Variants in ABCC1 observed in about 807,000 individuals in gnomAD.
ABCC1 encodes ATP binding cassette subfamily C member 1 (ABCC1 blood group), also known as multidrug resistance-associated protein 1.
ABCC1 carries 83 observed loss-of-function variants against 172.9 expected under a neutral mutation model. The ratio of observed to expected loss-of-function variants is 0.48; its 90% CI spans 0.40 to 0.58. ABCC1 has a LOEUF of 0.58. Ranked by LOEUF, ABCC1 falls within the 20% of genes least tolerant of loss-of-function variation. The pLI is 0.00. For missense variants in ABCC1, 1,817 were observed against 2,002.7 expected (o/e 0.91, Z 1.77); for synonymous variants, 937 against 825.2 (o/e 1.14, Z -2.32).
chr16:15,955,162 TC>T (rs2045962845), intron 1 of ABCC1, among the ~76,000 whole-genome samples: 3 of 152,102 alleles, frequency 2.0e-5, no homozygotes, highest in Admixed American at 6.6e-5. Context: ...TTGAGACCAG[TC>T]TGGGCAGAAT....
intron 1 of ABCC1, among the ~76,000 whole-genome samples, chr16:15,975,660 G>C (rs1714884806): frequency 6.6e-6 from 1 of 151,666 alleles, no homozygotes; most frequent in African/African-American, 2.4e-5. Flanking sequence ...GGGTTCAAAC[G>C]ATTCTCCTTC....
chr16:15,994,523 A>G (rs1353488808), intron 1 of ABCC1, among the ~76,000 whole-genome samples: 7 of 152,176 alleles, frequency 4.6e-5, no homozygotes, highest in Admixed American at 3.9e-4. Flanking sequence ...TTGGCACCCA[A>G]TAAATACATG....
intron 17 of ABCC1, among the ~76,000 whole-genome samples, chr16:16,085,731 G>T (rs1437496697): frequency 6.6e-6 from 1 of 152,224 alleles, no homozygotes; most frequent in Admixed American, 6.5e-5. Flanking sequence ...AGTGAGCTGA[G>T]ATTGTGCCAC....
Position 16,049,493 on chromosome 16 carries a change from A to G in ABCC1, c.1380+1190A>G, listed in dbSNP as rs192173851. Among the ~76,000 whole-genome samples, 9 of 152,186 alleles carry G rather than the reference A, an allele frequency of 5.9e-5. No individual in the cohort carries two copies. The East Asian group carries it at 1.7e-3, about 29-fold the overall frequency. Reference sequence around the variant, plus strand: ...ATGCCTTGTGCTTTGCTACCTCTGGATCTTTGCCACGTACCTTTCCTTCCT... The same window carrying G: ...ATGCCTTGTGCTTTGCTACCTCTGGGTCTTTGCCACGTACCTTTCCTTCCT... On this transcript the variant is annotated intron_variant, in intron 10 of 30. Transcript: ENST00000399410.
At chr16:15,953,024 C>T (rs575037197) in intron 1 of ABCC1, among the ~76,000 whole-genome samples, 2 of 150,280 alleles carry the variant, frequency 1.3e-5, no homozygotes, top group East Asian at 2.0e-4. Context: ...GTCTGGGCCA[C>T]AGACTGAGAC....
intron 11 of ABCC1, among the ~76,000 whole-genome samples, chr16:16,054,716 A>AT (rs1458691415): frequency 1.8e-4 from 28 of 152,290 alleles, no homozygotes; most frequent in African/African-American, 6.0e-4. Flanking sequence ...CCTCCAGATC[A>AT]TGTAGCTTAT....
At chr16:16,041,692 G>T (rs2048984031) in intron 7 of ABCC1, among the ~76,000 whole-genome samples, 2 of 152,162 alleles carry the variant, frequency 1.3e-5, no homozygotes, top group Admixed American at 1.3e-4. Context: ...GCTCTGGGCT[G>T]CTGGGTATCC....
intron 1 of ABCC1, among the ~76,000 whole-genome samples, chr16:15,999,066 TCTCGG>T (rs2047154871): frequency 6.6e-6 from 1 of 152,168 alleles, no homozygotes; most frequent in South Asian, 2.1e-4. Context: ...AGTGCTGCGA[TCTCGG>T]CTCACTGCAA....
intron 7 of ABCC1, among the ~76,000 whole-genome samples, chr16:16,039,263 T>G (rs866796575): frequency 8.8e-6 from 1 of 113,140 alleles, no homozygotes. Context: ...GTGTGTGTGT[T>G]TTCTTTTTTT....
intron 26 of ABCC1, among the ~76,000 whole-genome samples, chr16:16,128,040 C>T (rs1226348169): frequency 6.7e-6 from 1 of 150,272 alleles, no homozygotes; most frequent in Non-Finnish European, 1.5e-5. Flanking sequence ...CCTGCCTCAG[C>T]CTCCCAATTA....
At chr16:15,989,839 G>C (rs181189003) in intron 1 of ABCC1, among the ~76,000 whole-genome samples, 1 of 152,200 alleles carries the variant, frequency 6.6e-6, no homozygotes, top group Non-Finnish European at 1.5e-5. Flanking sequence ...CGCAGTGCCT[G>C]GTATGCAGTC....
At position 16,138,359 on chromosome 16, in the gene ABCC1, T is replaced by C; in HGVS notation, c.4293-5T>C. 1 of 1,574,668 alleles carries C rather than the reference T, an allele frequency of 6.4e-7. No individual in the cohort carries two copies. Among genetic ancestry groups the C allele is most frequent in the Middle Eastern group, 1.7e-4 (1 of 5,918 alleles). On this transcript the variant is annotated splice_polypyrimidine_tract_variant and splice_region_variant and intron_variant, in intron 29 of 30. Coordinates refer to ENST00000399410, the MANE Select transcript of ABCC1 (RefSeq NM_004996.4). ...CTATCTCCTGGTTTTTTTCTTCCGGTCAAGTGTCGGGCAGCGCCAGCTTGT... is the reference window on the plus strand; with the variant it reads ...CTATCTCCTGGTTTTTTTCTTCCGGCCAAGTGTCGGGCAGCGCCAGCTTGT...
chr16:16,073,052 A>T (rs149789745), intron 14 of ABCC1, among the ~76,000 whole-genome samples: 5,567 of 137,504 alleles, frequency 0.04, 139 homozygotes, highest in Non-Finnish European at 0.054. Flanking sequence ...AAAAAAAAAA[A>T]AAAAATAATA....
intron 6 of ABCC1, among the ~76,000 whole-genome samples, chr16:16,035,383 C>A (rs1268876412): frequency 2.6e-5 from 4 of 152,060 alleles, no homozygotes; most frequent in Non-Finnish European, 5.9e-5. Flanking sequence ...GATGGAGTGA[C>A]ATAGAAAGAT....
At chr16:16,139,319 A>G (rs2046038734) in intron 30 of ABCC1, among the ~76,000 whole-genome samples, 1 of 152,030 alleles carries the variant, frequency 6.6e-6, no homozygotes, top group African/African-American at 2.4e-5. Flanking sequence ...TTTTTTAAAA[A>G]ATCAGAAGCA....
intron 5 of ABCC1, among the ~76,000 whole-genome samples, chr16:16,031,622 C>T (rs1410233587): frequency 2.6e-5 from 4 of 152,176 alleles, no homozygotes; most frequent in Admixed American, 2.6e-4. Context: ...ATGCTTTCTT[C>T]TACCACCGGG....
chr16:16,055,996 A>G lies in ABCC1; in HGVS notation c.1474-96A>G, dbSNP rs149578689. 340 of 1,070,202 alleles carry G rather than the reference A, an allele frequency of 3.2e-4. No individual in the cohort carries two copies. In the African/African-American group the frequency reaches 4.9e-3, roughly 16 times the overall value. 66.3% of individuals were successfully genotyped at this position (1,070,202 alleles called of 1,614,324 possible). A position where few individuals can be genotyped will look rare whatever the true frequency, so the allele number is the denominator to read the frequency against. ...ATAAAAAACATTTACATGTCAAAGT[A>G]TATAATAAAGTTTATGAGAAAAATA... On this transcript the variant is annotated intron_variant, in intron 11 of 30. Transcript: ENST00000399410.
At chr16:16,099,253 A>T (rs554066286) in intron 19 of ABCC1, among the ~76,000 whole-genome samples, 1 of 152,190 alleles carries the variant, frequency 6.6e-6, no homozygotes, top group Non-Finnish European at 1.5e-5. Context: ...CAACAGTTTG[A>T]TTGTGAGCTG....
chr16:16,029,771 T>G (rs577781535), intron 5 of ABCC1, among the ~76,000 whole-genome samples: 15 of 152,314 alleles, frequency 9.8e-5, no homozygotes, highest in Non-Finnish European at 1.8e-4. Flanking sequence ...ATTCCAGCAC[T>G]TTGGGAAGCT....
Sources: allele counts gnomAD v4.1 joint callset (sites outside exome capture counted in the v4.1 genomes callset), GRCh38; gene constraint gnomAD v4.1.1; transcripts MANE v1.5; gene names NCBI Gene and HGNC (gene_info 2026-07-23, HGNC 2026-07-21).